Variants in RALGAPA2 observed in about 807,000 individuals in gnomAD.
RALGAPA2 encodes Ral GTPase activating protein catalytic subunit alpha 2, also known as ral GTPase-activating protein subunit alpha-2.
In RALGAPA2, 139 loss-of-function variants were observed where a neutral mutation model predicts 230.4. The observed-to-expected ratio is 0.60, with a 90% CI of 0.53 to 0.69. The LOEUF (loss-of-function observed/expected upper bound fraction) is 0.69, where lower values mean the gene tolerates loss of function less well. RALGAPA2 is among the 30% of genes least tolerant of loss of function. The probability of loss-of-function intolerance (pLI) is 0.00; values close to 1 mark genes in which losing one functional copy is unlikely to be tolerated. For synonymous variants in RALGAPA2, 847 were observed against 837.8 expected, an observed-to-expected ratio of 1.01 and a Z score of -0.19; for missense variants, 2,163 against 2,276.0, an observed-to-expected ratio of 0.95 and a Z score of 1.01.
chr20:20,413,133 C>A (rs1038406214), intron 37 of RALGAPA2, among the ~76,000 whole-genome samples: 1 of 152,314 alleles, frequency 6.6e-6, no homozygotes, highest in African/African-American at 2.4e-5. Flanking sequence ...TTTTGAAAAT[C>A]ATGCTAATTC....
At chr20:20,614,995 G>A (rs1424422335) in intron 13 of RALGAPA2, among the ~76,000 whole-genome samples, 4 of 152,120 alleles carry the variant, frequency 2.6e-5, no homozygotes, top group African/African-American at 9.7e-5. Context: ...GGTGGCAGTG[G>A]AATGAGAGGG....
chr20:20,680,293 G>A (rs2068473234), intron 2 of RALGAPA2, among the ~76,000 whole-genome samples: 1 of 152,182 alleles, frequency 6.6e-6, no homozygotes, highest in African/African-American at 2.4e-5. Flanking sequence ...TAATATATCT[G>A]GAAGGAGATG....
At chr20:20,672,775 G>A (rs987738938) in intron 3 of RALGAPA2, among the ~76,000 whole-genome samples, 1 of 152,100 alleles carries the variant, frequency 6.6e-6, no homozygotes, top group Non-Finnish European at 1.5e-5. Flanking sequence ...GAATGTTAGA[G>A]AACTATAAAA....
intron 13 of RALGAPA2, among the ~76,000 whole-genome samples, chr20:20,614,166 T>C (rs571594412): frequency 9.9e-5 from 15 of 152,230 alleles, no homozygotes; most frequent in African/African-American, 3.4e-4. Context: ...GAAAATCCAT[T>C]ACAGAAACTG....
rs2059611114 is a variant in RALGAPA2 at position 20,391,979 on chromosome 20, A to C, written c.*1310T>G. 2 of 152,532 alleles carry C rather than the reference A, an allele frequency of 1.3e-5. No individual in the cohort carries two copies. The highest frequency in any genetic ancestry group is 1.3e-4 in the Admixed American group (2 of 15,314). The allele number at this position is 152,532 out of a possible 1,614,324, so 9.4% of individuals were successfully genotyped here. On this transcript the variant is annotated 3_prime_UTR_variant, in exon 40 of 40. Coordinates refer to ENST00000202677, the MANE Select transcript of RALGAPA2 (RefSeq NM_020343.4). ...GGACTCTGGTAAGCTTCTTGGATTT[A>C]CTTCCCAAGTGAAGTGCGGGGTGGA... is the stretch of plus-strand genomic sequence containing the variant.
chr20:20,593,084 A>T (rs1035627402), intron 16 of RALGAPA2, among the ~76,000 whole-genome samples: 1 of 152,086 alleles, frequency 6.6e-6, no homozygotes, highest in Non-Finnish European at 1.5e-5. Flanking sequence ...TACCCAAAAA[A>T]TTTTTGTCTT....
intron 31 of RALGAPA2, 93 bp downstream of exon 31, chr20:20,520,824 C>T (rs978504791): frequency 5.3e-6 from 6 of 1,123,456 alleles, no homozygotes; most frequent in African/African-American, 1.6e-5. Flanking sequence ...TCAACTTCAA[C>T]AACTAGATTA....
chr20:20,712,274 CTCCCCAGCCTCCCAGCCACCG>C lies in RALGAPA2; in HGVS notation c.106+80_106+100del. 2.1e-6 allele frequency: 2 copies of C among 972,160 alleles called. No homozygotes were observed. The highest frequency in any genetic ancestry group is 1.4e-6 in the Non-Finnish European group (1 of 697,070). 60.2% of individuals were successfully genotyped at this position (972,160 alleles called of 1,614,324 possible). A position where few individuals can be genotyped will look rare whatever the true frequency, so the allele number is the denominator to read the frequency against. ...GGGGGTCGGACGCCCACCCATCCCC[CTCCCCAGCCTCCCAGCCACCG>C]ACCCCTGCACAGAGGAGCGCCCTCC... On this transcript the variant is annotated intron_variant, in intron 1 of 39. Coordinates refer to ENST00000202677, the MANE Select transcript of RALGAPA2 (RefSeq NM_020343.4). This position sits in a 1 kb window ranked among gnomAD's most constrained non-coding sequence, Gnocchi z 5.5.
At chr20:20,636,191 C>T (rs1025425555) in intron 8 of RALGAPA2, among the ~76,000 whole-genome samples, 2 of 152,088 alleles carry the variant, frequency 1.3e-5, no homozygotes, top group Non-Finnish European at 2.9e-5. Context: ...TTTCCAAAGA[C>T]TTAATAAGAA....
At chr20:20,450,818 T>C (rs985605995) in intron 37 of RALGAPA2, among the ~76,000 whole-genome samples, 6 of 152,268 alleles carry the variant, frequency 3.9e-5, no homozygotes, top group Middle Eastern at 3.2e-3. Context: ...CTCTGGTCCA[T>C]TGGCTGATGA....
chr20:20,569,263 A>G (rs2064548767), intron 23 of RALGAPA2, among the ~76,000 whole-genome samples: 8 of 152,344 alleles, frequency 5.3e-5, no homozygotes, highest in Admixed American at 5.2e-4. Context: ...GCAAAGGAAT[A>G]AAGTTTACTT....
At position 20,396,732 on chromosome 20, in the gene RALGAPA2, A is replaced by C. The variant is rs763608537; in HGVS notation, c.5620T>G (p.Ter1874GluextTer3). The change falls in exon 39 of 40, where the codon TAA becomes GAA. Residue 1874 changes from the stop codon to glutamate, a stop_lost and splice_region_variant. Coordinates refer to ENST00000202677, the MANE Select transcript of RALGAPA2 (RefSeq NM_020343.4). ...SPSYSLSGTD[*>E] ...TTGAAATGAGACCTTTACGTGTTTT[A>C]ATCTGAAGGGAAAGAACACAAAATG... 7 of 1,607,182 alleles carry C rather than the reference A, an allele frequency of 4.4e-6. No homozygotes were observed. The highest frequency in any genetic ancestry group is 5.1e-6 in the Non-Finnish European group (6 of 1,174,424).
chr20:20,671,900 T>C (rs1023795638), intron 3 of RALGAPA2, among the ~76,000 whole-genome samples: 2 of 151,672 alleles, frequency 1.3e-5, no homozygotes, highest in African/African-American at 4.9e-5. Flanking sequence ...ACAGAGAAAC[T>C]AACAAGGGAC....
intron 4 of RALGAPA2, among the ~76,000 whole-genome samples, chr20:20,645,926 C>G (rs1171989838): frequency 6.6e-6 from 1 of 151,422 alleles, no homozygotes; most frequent in Non-Finnish European, 1.5e-5. Context: ...AGGGCATCAG[C>G]TATTCTCTAA....
chr20:20,653,676 T>A, intron 3 of RALGAPA2, 89 bp from the exon 4 acceptor site: 1 of 725,458 alleles, frequency 1.4e-6, no homozygotes, highest in Non-Finnish European at 2.3e-6. Flanking sequence ...AGGTAAGTTC[T>A]AGAAGAGGAA....
chr20:20,458,506 TAA>T (rs1491090695), intron 37 of RALGAPA2, among the ~76,000 whole-genome samples: 1 of 138,800 alleles, frequency 7.2e-6, no homozygotes, highest in East Asian at 2.0e-4. Context: ...ATATTATATA[TAA>T]TATATATGTA....
intron 23 of RALGAPA2, among the ~76,000 whole-genome samples, chr20:20,556,250 C>T (rs1405356832): frequency 6.6e-6 from 1 of 152,180 alleles, no homozygotes; most frequent in Non-Finnish European, 1.5e-5. Flanking sequence ...AAACATAAAG[C>T]CCCTTTTCTC....
intron 33 of RALGAPA2, among the ~76,000 whole-genome samples, chr20:20,506,471 T>C (rs1263628526): frequency 6.6e-6 from 1 of 152,162 alleles, no homozygotes; most frequent in Non-Finnish European, 1.5e-5. Context: ...AGTTTAGAGA[T>C]GAAACACTGT....
At chr20:20,674,511 G>A (rs1435246535) in intron 3 of RALGAPA2, among the ~76,000 whole-genome samples, 1 of 152,092 alleles carries the variant, frequency 6.6e-6, no homozygotes, top group African/African-American at 2.4e-5. Context: ...CCAATGTACT[G>A]GAAGGCTGAC....
Sources: gnomAD v4.1 joint callset for allele counts (sites outside exome capture counted in the v4.1 genomes callset) on GRCh38, gnomAD v4.1.1 for gene constraint, Gnocchi (gnomAD v3.1) non-coding constraint, MANE v1.5 for transcripts, NCBI Gene and HGNC (gene_info 2026-07-23, HGNC 2026-07-21) for gene names.